UNG: variants seen among roughly 807,000 people sequenced by gnomAD.
UNG encodes the protein uracil DNA glycosylase.
In UNG, 34 loss-of-function variants were observed where a neutral mutation model predicts 36.5. The ratio of observed to expected loss-of-function variants is 0.93; its 90% confidence interval spans 0.71 to 1.24. UNG has a LOEUF of 1.24. Among genes scored for constraint, UNG ranks in the 50% most tolerant of loss-of-function variants. The pLI is 0.00. For synonymous variants in UNG, 172 were observed against 157.8 expected, an observed-to-expected ratio of 1.09 and a Z score of -0.67; for missense variants, 391 against 397.6, an observed-to-expected ratio of 0.98 and a Z score of 0.14.
intron 6 of UNG, among the ~76,000 whole-genome samples, chr12:109,104,357 T>TC (rs1481832611): frequency 6.6e-6 from 1 of 152,024 alleles, no homozygotes; most frequent in East Asian, 1.9e-4. Flanking sequence ...CTATCGGTGA[T>TC]CATTATTAAC....
At chr12:109,104,055 G>GTTTTTTTTTTTTTT (rs2042198860) in intron 6 of UNG, among the ~76,000 whole-genome samples, 2 of 148,140 alleles carry the variant, frequency 1.4e-5, no homozygotes, top group African/African-American at 5.1e-5. Flanking sequence ...TTGTTTCTGG[G>GTTTTTTTTTTTTTT]TTTTTTGTTT....
chr12:109,110,136 C>G lies in UNG; in HGVS notation c.*167C>G. The G allele has an allele frequency of 2.4e-6, 2 of 844,640 alleles. No homozygotes were observed. The highest frequency in any genetic ancestry group is 3.7e-6 in the Non-Finnish European group (2 of 538,164). The allele number at this position is 844,640 out of a possible 1,614,324, so 52.3% of individuals were successfully genotyped here. On this transcript the variant is annotated 3_prime_UTR_variant, in exon 7 of 7. Transcript: ENST00000242576. ...GTCCAGGAATGGCAGCTGTATCCAA[C>G]CACAAACAACAAAGGCTACCCTTTG...
rs1225124024 is a variant in UNG at position 109,098,025 on chromosome 12, C to T, written c.132+214C>T. 3.1e-6 allele frequency: 4 copies of T among 1,310,160 alleles called. No individual in the cohort carries two copies. In the African/African-American group the frequency reaches 4.6e-5, roughly 15 times the overall value. 81.2% of individuals were successfully genotyped at this position (1,310,160 alleles called of 1,614,324 possible). On this transcript the variant is annotated intron_variant, in intron 1 of 6. Transcript: ENST00000242576. ...TGGGAACGCGTCTCGGGGCCCATGG[C>T]GCCAATCCGCGCGCCGCAGGCCCTC...
intron 6 of UNG, among the ~76,000 whole-genome samples, chr12:109,107,714 G>A (rs1376238723): frequency 2.0e-5 from 3 of 151,250 alleles, no homozygotes; most frequent in Admixed American, 6.6e-5. Context: ...TAGTAGAGAC[G>A]GAGTTTCTTC....
At chr12:109,099,366 A>G (rs973200958) in intron 3 of UNG, 82 bp downstream of exon 3, 8 of 1,170,404 alleles carry the variant, frequency 6.8e-6, no homozygotes, top group African/African-American at 4.6e-5. Flanking sequence ...GAGTTAAGCC[A>G]CAGTCCATCA....
rs1352948594 is a variant in UNG, at chr12:109,097,652, G to A, written c.-28G>A. 7 of 1,600,426 alleles carry A rather than the reference G, an allele frequency of 4.4e-6. No homozygotes were observed. The highest frequency in any genetic ancestry group is 2.3e-5 in the East Asian group (1 of 44,012). ...CTAGCCTCGCCGGTTCCCGGGTGGC[G>A]CGCGTTCGCTGCCTCCTCAGCTCCA... On this transcript the variant is annotated 5_prime_UTR_variant, in exon 1 of 7. Coordinates refer to ENST00000242576, the MANE Select transcript of UNG (RefSeq NM_080911.3).
At chr12:109,102,084 G>A (rs2042182756) in intron 4 of UNG, 85 bp downstream of exon 4, 3 of 1,239,126 alleles carry the variant, frequency 2.4e-6, no homozygotes, top group Non-Finnish European at 3.5e-6. Flanking sequence ...GACTATCTGG[G>A]GCACTGTTCA....
chr12:109,098,082 GA>G, intron 1 of UNG: 1 of 1,389,030 alleles, frequency 7.2e-7, no homozygotes, highest in Non-Finnish European at 9.3e-7. Context: ...TCAGAGGGGA[GA>G]GGGGGCGGGA....
intron 1 of UNG, 96 bp downstream of exon 1, chr12:109,097,907 G>C (rs1227446828): frequency 2.2e-6 from 3 of 1,391,066 alleles, no homozygotes; most frequent in South Asian, 1.5e-5. Context: ...CCTCTGACTC[G>C]GTAAACCCGG....
At chr12:109,106,918 T>TATAC (rs1593324397) in intron 6 of UNG, among the ~76,000 whole-genome samples, 4 of 5,790 alleles carry the variant, frequency 6.9e-4, no homozygotes, top group African/African-American at 2.6e-3. Flanking sequence ...TATATATATG[T>TATAC]GTATATATAT....
At chr12:109,102,751 A>G in intron 4 of UNG, 88 bp from the exon 5 acceptor site, 2 of 1,116,612 alleles carry the variant, frequency 1.8e-6, no homozygotes, top group Admixed American at 1.7e-5. Flanking sequence ...GTAACTTCTA[A>G]CCTTTTCACA....
At position 109,109,952 on chromosome 12, in the gene UNG, G is replaced by A; in HGVS notation, c.925G>A (p.Asp309Asn). 1.2e-6 allele frequency: 2 copies of A among 1,614,114 alleles called. No homozygotes were observed. The highest frequency in any genetic ancestry group is 1.1e-5 in the South Asian group (1 of 91,070). Residue 309 changes from aspartate to asparagine, a missense_variant, in exon 7 of 7, where the codon GAC becomes AAC. Physicochemically the swap from Asp to Asn is conservative, Grantham distance 23. Transcript: ENST00000242576. ...GCAGAAGTCTGGCAAGAAGCCCATT[G>A]ACTGGAAGGAGCTGTGATCATCAGC... ...LLQKSGKKPI[D>N]WKEL
In UNG at chr12:109,097,606, C is replaced by A; in HGVS notation, c.-74C>A. ...CGGGCCGCTTGGCGCCAATTGCTGACCGCCACAGCCACAGCCAGGGCTAGC... is the reference window on the plus strand; with the variant it reads ...CGGGCCGCTTGGCGCCAATTGCTGAACGCCACAGCCACAGCCAGGGCTAGC... On this transcript the variant is annotated 5_prime_UTR_variant, in exon 1 of 7. Coordinates refer to ENST00000242576, the MANE Select transcript of UNG (RefSeq NM_080911.3). 1 of 1,561,408 alleles carries A rather than the reference C, an allele frequency of 6.4e-7. No homozygotes were observed. Among genetic ancestry groups the A allele is most frequent in the Non-Finnish European group, 8.7e-7 (1 of 1,152,622 alleles).
chr12:109,098,494 G>T lies in UNG; in HGVS notation c.195G>T (p.Pro65=), dbSNP rs754905831. Residue 65 remains proline, a synonymous_variant, in exon 2 of 7, where the codon CCG becomes CCT. Transcript: ENST00000242576. ...QEEPGTPPSS[P]LSAEQLDRIQ... is the part of the protein sequence containing the mutation. ...AGCCTGGGACGCCGCCCTCCTCGCC[G>T]CTGAGTGCCGAGCAGTTGGACCGGA... 1.2e-6 allele frequency: 2 copies of T among 1,612,504 alleles called. No individual in the cohort carries two copies. The highest frequency in any genetic ancestry group is 1.7e-5 in the Admixed American group (1 of 59,992).
At chr12:109,105,931 C>G (rs1052568438) in intron 6 of UNG, among the ~76,000 whole-genome samples, 3 of 152,248 alleles carry the variant, frequency 2.0e-5, no homozygotes, top group Admixed American at 1.3e-4. Flanking sequence ...CAATCGGCCT[C>G]CCAGACTTAA....
intron 1 of UNG, chr12:109,098,149 T>C: frequency 7.2e-7 from 1 of 1,380,260 alleles, no homozygotes; most frequent in Non-Finnish European, 9.3e-7. Flanking sequence ...GTGGGGCGGG[T>C]CTGGCGGGGG....
At chr12:109,106,527 TAAAA>T (rs979101975) in intron 6 of UNG, among the ~76,000 whole-genome samples, 3 of 152,054 alleles carry the variant, frequency 2.0e-5, no homozygotes, top group Non-Finnish European at 2.9e-5. Flanking sequence ...GTTGATATTT[TAAAA>T]AAATCAAAGT....
intron 1 of UNG, 99 bp from the exon 2 acceptor site, chr12:109,098,333 G>A: frequency 6.2e-7 from 1 of 1,600,596 alleles, no homozygotes. Context: ...ACAAATGGGC[G>A]TCTTCTGCCT....
At chr12:109,102,760 C>T in intron 4 of UNG, 79 bp from the exon 5 acceptor site, 3 of 1,190,396 alleles carry the variant, frequency 2.5e-6, no homozygotes, top group Non-Finnish European at 2.5e-6. Flanking sequence ...AACCTTTTCA[C>T]ATATGTCTTA....
Sources: allele counts gnomAD v4.1 joint callset (sites outside exome capture counted in the v4.1 genomes callset), GRCh38; gene constraint gnomAD v4.1.1; transcripts MANE v1.5; gene names NCBI Gene and HGNC (gene_info 2026-07-23, HGNC 2026-07-21).